The following ZC3H12B variants were observed in gnomAD, a reference collection of about 807,000 sequenced individuals.
ZC3H12B encodes probable ribonuclease ZC3H12B.
Under a neutral mutation model 43.9 loss-of-function variants are expected in ZC3H12B, and 7 were observed. The ratio of observed to expected loss-of-function variants is 0.16; its 90% CI spans 0.09 to 0.30. The LOEUF is 0.30. Among genes scored for constraint, ZC3H12B ranks in the 10% least tolerant of loss-of-function variants. ZC3H12B has a pLI of 1.00. For missense variants in ZC3H12B, 475 were observed against 670.2 expected (o/e 0.71, Z 3.22); for synonymous variants, 222 against 241.7 (o/e 0.92, Z 0.76).
intron 3 of ZC3H12B, among the ~76,000 whole-genome samples, chrX:65,444,701 C>A (rs1031320372): frequency 2.7e-5 from 3 of 111,827 alleles, no homozygotes; most frequent in Admixed American, 9.5e-5. Context: ...AACTAGGTAA[C>A]AGGCAGAGAT....
At chrX:65,347,981 G>A in the ZC3H12B span, among the ~76,000 whole-genome samples, 13 of 110,665 alleles carry the variant, frequency 1.2e-4, no homozygotes, top group East Asian at 2.8e-4. Context: ...GCAAACTATC[G>A]CAAAGACCAA....
chrX:65,408,626 G>A, intron 3 of ZC3H12B: 1 of 1,103,609 alleles, frequency 9.1e-7, no homozygotes, highest in Non-Finnish European at 1.2e-6. Context: ...AATAAAAGAT[G>A]ACAAGAAGCA....
At chrX:65,373,924 A>G (rs868618069) in intron 2 of ZC3H12B, among the ~76,000 whole-genome samples, 4 of 56,565 alleles carry the variant, frequency 7.1e-5, no homozygotes, top group South Asian at 7.5e-4. Flanking sequence ...TATATATACT[A>G]TATATATAGT....
At chrX:65,350,125 C>T in the ZC3H12B span, among the ~76,000 whole-genome samples, 2 of 108,742 alleles carry the variant, frequency 1.8e-5, no homozygotes, top group East Asian at 2.8e-4. Context: ...ACTGGCAAAC[C>T]GAGTCCAGCA....
chrX:65,373,382 C>G (rs1035567537), intron 2 of ZC3H12B, among the ~76,000 whole-genome samples: 3 of 111,474 alleles, frequency 2.7e-5, no homozygotes, highest in African/African-American at 9.8e-5. Flanking sequence ...CCAGCCATCC[C>G]ATTACTGGGT....
the ZC3H12B span, among the ~76,000 whole-genome samples, chrX:65,304,255 C>A: frequency 1.8e-5 from 2 of 111,542 alleles, no homozygotes; most frequent in African/African-American, 6.5e-5. Context: ...CCTGAAATTT[C>A]ATGGAGAAAG....
intron 1 of ZC3H12B, among the ~76,000 whole-genome samples, chrX:65,494,783 AAAATAAATAAATAAAT>A (rs59246172): frequency 1.7e-4 from 17 of 101,072 alleles, no homozygotes; most frequent in South Asian, 8.7e-4. Context: ...TCTGTCCCAA[AAAATAAATAAATAAAT>A]AAATAAATAA....
At chrX:65,231,323 G>A in the ZC3H12B span, among the ~76,000 whole-genome samples, 1 of 111,156 alleles carries the variant, frequency 9.0e-6, no homozygotes, top group Non-Finnish European at 1.9e-5. Context: ...AATTACTGAT[G>A]AGGGTCCATG....
chrX:65,471,945 C>A (rs1022158726), intron 3 of ZC3H12B, among the ~76,000 whole-genome samples: 2 of 111,460 alleles, frequency 1.8e-5, no homozygotes, highest in Non-Finnish European at 3.8e-5. Flanking sequence ...GGTATCCTGG[C>A]GCATATCTAT....
chrX:65,160,777 T>C, the ZC3H12B span, among the ~76,000 whole-genome samples: 1 of 111,516 alleles, frequency 9.0e-6, no homozygotes, highest in Non-Finnish European at 1.9e-5. Context: ...CTGCTCTGAT[T>C]TTAGTTATTT....
chrX:65,146,298 G>T, the ZC3H12B span, among the ~76,000 whole-genome samples: 1 of 111,453 alleles, frequency 9.0e-6, no homozygotes. Context: ...AGAGCATTTT[G>T]CATTTCTATG....
At chrX:65,279,047 A>G in the ZC3H12B span, among the ~76,000 whole-genome samples, 1 of 110,905 alleles carries the variant, frequency 9.0e-6, no homozygotes, top group African/African-American at 3.3e-5. Context: ...TCTATCATTG[A>G]TGGGCATTTA....
At chrX:65,410,517 G>A (rs1302730614) in intron 3 of ZC3H12B, among the ~76,000 whole-genome samples, 1 of 111,652 alleles carries the variant, frequency 9.0e-6, no homozygotes, top group Non-Finnish European at 1.9e-5. Context: ...AATCAACAAA[G>A]TGAAGAGACA....
At chrX:65,302,484 A>G in the ZC3H12B span, among the ~76,000 whole-genome samples, 1 of 112,066 alleles carries the variant, frequency 8.9e-6, no homozygotes. Flanking sequence ...GAGTAAAACT[A>G]TGAAACTCTG....
At chrX:65,369,484 A>C (rs1159667605) in intron 2 of ZC3H12B, among the ~76,000 whole-genome samples, 1 of 101,173 alleles carries the variant, frequency 9.9e-6, no homozygotes, top group Admixed American at 9.8e-5. Context: ...GCTTAGAAAG[A>C]TCTAAATATC....
At chrX:65,172,354 A>G in the ZC3H12B span, among the ~76,000 whole-genome samples, 3 of 111,544 alleles carry the variant, frequency 2.7e-5, no homozygotes, top group Non-Finnish European at 5.6e-5. Context: ...TCTGGTGGGT[A>G]AAAAATTTTT....
the ZC3H12B span, chrX:65,357,414 G>T: frequency 1.1e-5 from 2 of 180,036 alleles, no homozygotes; most frequent in Non-Finnish European, 1.0e-5. Context: ...CCAGAGGAGA[G>T]CTCCAAATGG....
the ZC3H12B span, among the ~76,000 whole-genome samples, chrX:65,160,987 C>T: frequency 4.5e-5 from 5 of 111,089 alleles, no homozygotes; most frequent in African/African-American, 1.6e-4. Flanking sequence ...TTTCAAAGAA[C>T]ATCTTTATTT....
the ZC3H12B span, among the ~76,000 whole-genome samples, chrX:65,154,333 A>C: frequency 8.9e-6 from 1 of 112,316 alleles, no homozygotes; most frequent in South Asian, 3.6e-4. Context: ...CTTTGCATTT[A>C]TTACCACATT....
Sources: gnomAD v4.1 joint callset for allele counts (sites outside exome capture counted in the v4.1 genomes callset) on GRCh38, gnomAD v4.1.1 for gene constraint, MANE v1.5 for transcripts, NCBI Gene and HGNC (gene_info 2026-07-23, HGNC 2026-07-21) for gene names.